Variants in COL15A1 observed in about 807,000 individuals in gnomAD.
COL15A1 encodes the protein collagen type XV alpha 1 chain, also known as collagen alpha-1(XV) chain.
In COL15A1, 111 loss-of-function variants were observed where a neutral mutation model predicts 165.9. The ratio of observed to expected loss-of-function variants is 0.67; its 90% confidence interval spans 0.57 to 0.78. COL15A1 has a LOEUF of 0.78. COL15A1 is among the 30% of genes least tolerant of loss of function. COL15A1 has a pLI of 0.00. For synonymous variants in COL15A1, 659 were observed against 674.8 expected (o/e 0.98, Z 0.36); for missense variants, 1,745 against 1,789.7 (o/e 0.98, Z 0.45).
chr9:99,021,650 G>A (rs1194341363), intron 12 of COL15A1, among the ~76,000 whole-genome samples: 5 of 152,322 alleles, frequency 3.3e-5, no homozygotes, highest in African/African-American at 1.2e-4. Flanking sequence ...TGCCCTTGAG[G>A]GGCACATGGT....
chr9:98,987,934 T>A (rs1838344153), intron 4 of COL15A1, among the ~76,000 whole-genome samples: 1 of 149,486 alleles, frequency 6.7e-6, no homozygotes. Context: ...CAGAGCTGAG[T>A]GTGATGGGAA....
chr9:99,032,874 T>G (rs1839230783), intron 16 of COL15A1, among the ~76,000 whole-genome samples: 1 of 152,258 alleles, frequency 6.6e-6, no homozygotes. Flanking sequence ...GATCTCTAAT[T>G]GGTTCTTTAT....
rs1188730958 is a variant in COL15A1, at chr9:99,024,281, T to TG, written c.1855-593_1855-592insG. Among the ~76,000 whole-genome samples, 13 of 138,136 alleles carry TG rather than the reference T, an allele frequency of 9.4e-5. 1 individual carries two copies. The highest frequency in any genetic ancestry group is 3.6e-4 in the African/African-American group (13 of 36,544). The allele number at this position is 138,136 out of a possible 152,430, so 90.6% of individuals were successfully genotyped here. ...ACACCACAAGCAGTTTTTTTTGTTT[T>TG]TTTGTTTTTTTTTTTTTGAGATGGA... On this transcript the variant is annotated intron_variant, in intron 14 of 41. Coordinates refer to ENST00000375001, the MANE Select transcript of COL15A1 (RefSeq NM_001855.5).
intron 9 of COL15A1, among the ~76,000 whole-genome samples, chr9:99,012,300 C>T (rs1198225946): frequency 6.6e-6 from 1 of 152,194 alleles, no homozygotes; most frequent in Non-Finnish European, 1.5e-5. Flanking sequence ...TGTATGTACA[C>T]ATAAACACAC....
chr9:99,017,641 G>T (rs959913912), intron 11 of COL15A1, among the ~76,000 whole-genome samples: 2 of 152,140 alleles, frequency 1.3e-5, no homozygotes, highest in Admixed American at 1.3e-4. Flanking sequence ...TGGGCTTGCA[G>T]GGCATCTAGT....
intron 2 of COL15A1, among the ~76,000 whole-genome samples, chr9:98,967,224 T>C (rs1837972105): frequency 6.6e-6 from 1 of 152,032 alleles, no homozygotes. Context: ...GGCCCTGGGG[T>C]GGAATGGGGG....
intron 2 of COL15A1, among the ~76,000 whole-genome samples, chr9:98,954,447 CT>C (rs1331762940): frequency 6.6e-6 from 1 of 152,074 alleles, no homozygotes; most frequent in Non-Finnish European, 1.5e-5. Context: ...TAGTTGATGG[CT>C]TTTTTCCCCC....
At chr9:99,061,235 C>T (rs1018048607) in intron 36 of COL15A1, among the ~76,000 whole-genome samples, 1 of 152,178 alleles carries the variant, frequency 6.6e-6, no homozygotes, top group African/African-American at 2.4e-5. Context: ...CATTTTGATG[C>T]ACAAAGCCAT....
At chr9:99,017,041 A>G (rs1361329372) in intron 11 of COL15A1, among the ~76,000 whole-genome samples, 1 of 152,202 alleles carries the variant, frequency 6.6e-6, no homozygotes, top group Non-Finnish European at 1.5e-5. Context: ...TCATTCGTTG[A>G]TTCACTCATT....
intron 10 of COL15A1, among the ~76,000 whole-genome samples, 163 bp downstream of exon 10, chr9:99,015,729 T>C (rs2118990729): frequency 6.6e-6 from 1 of 152,332 alleles, no homozygotes; most frequent in East Asian, 1.9e-4. Flanking sequence ...TGCTGGAGTG[T>C]AGCAGAGGCC....
At chr9:98,961,908 G>A (rs1020387313) in intron 2 of COL15A1, among the ~76,000 whole-genome samples, 3 of 152,356 alleles carry the variant, frequency 2.0e-5, no homozygotes, top group Admixed American at 6.5e-5. Context: ...TCAGAAGAAA[G>A]CCCGGAGCCA....
At chr9:98,970,942 G>A (rs759604924) in intron 2 of COL15A1, among the ~76,000 whole-genome samples, 2 of 152,204 alleles carry the variant, frequency 1.3e-5, no homozygotes, top group Non-Finnish European at 2.9e-5. Context: ...TGTGTGTTAT[G>A]AGTATGTGAA....
chr9:98,977,052 C>T (rs898763823), intron 2 of COL15A1, among the ~76,000 whole-genome samples: 3 of 152,108 alleles, frequency 2.0e-5, no homozygotes, highest in Non-Finnish European at 4.4e-5. Flanking sequence ...TGGGAAATAG[C>T]AGGGTAATAA....
chr9:99,069,570 A>T, intron 41 of COL15A1, 103 bp from the exon 42 acceptor site: 1 of 1,423,266 alleles, frequency 7.0e-7, no homozygotes, highest in Non-Finnish European at 9.6e-7. Flanking sequence ...CATCAGGGTT[A>T]AGGAGTTTAA....
chr9:99,022,047 G>A, intron 12 of COL15A1, 44 bp from the exon 13 acceptor site: 1 of 1,610,740 alleles, frequency 6.2e-7, no homozygotes, highest in Non-Finnish European at 8.5e-7. Context: ...GGAGATGGTA[G>A]GAACAGAGTT....
intron 2 of COL15A1, among the ~76,000 whole-genome samples, chr9:98,953,668 A>T (rs965082484): frequency 6.6e-6 from 1 of 152,174 alleles, no homozygotes; most frequent in African/African-American, 2.4e-5. Flanking sequence ...CTCCCAAGTG[A>T]CCAGGGCCCC....
chr9:99,018,600 G>A lies in COL15A1; in HGVS notation c.1648-1789G>A, dbSNP rs558080891. ...TAATCTCAGTGTTGTCCATAATAGA[G>A]AAAAATTGGGCATAATTTAATTAGC... On this transcript the variant is annotated intron_variant, in intron 11 of 41. Coordinates refer to ENST00000375001, the MANE Select transcript of COL15A1 (RefSeq NM_001855.5). Among the ~76,000 whole-genome samples the A allele has an allele frequency of 3.3e-5, 5 of 152,232 alleles. No homozygotes were observed. The East Asian group carries it at 7.7e-4, about 23-fold the overall frequency.
In COL15A1 at chr9:98,944,019, C is replaced by T. The variant is rs1226691495; in HGVS notation, c.-43C>T. The T allele has an allele frequency of 6.2e-7, 1 of 1,613,132 alleles. No individual in the cohort carries two copies. On this transcript the variant is annotated 5_prime_UTR_variant, in exon 1 of 42. Coordinates refer to ENST00000375001, the MANE Select transcript of COL15A1 (RefSeq NM_001855.5). ...TCCTCCGCTAAGCTCCAACGCTCTG[C>T]TCGACTAGCCGCGCGCCTTCCGGGG...
chr9:99,020,238 C>G, intron 11 of COL15A1, 151 bp from the exon 12 acceptor site: 3 of 640,314 alleles, frequency 4.7e-6, no homozygotes, highest in Non-Finnish European at 8.5e-6. Context: ...CAGGCAGCCT[C>G]TCTCTTCATG....
Sources: allele counts gnomAD v4.1 joint callset (sites outside exome capture counted in the v4.1 genomes callset), GRCh38; gene constraint gnomAD v4.1.1; transcripts MANE v1.5; gene names NCBI Gene and HGNC (gene_info 2026-07-23, HGNC 2026-07-21).